The following EYS variants were observed in gnomAD, a reference collection of about 807,000 sequenced individuals.
The protein encoded by EYS is EGF-like photoreceptor maintenance factor.
EYS carries 250 observed loss-of-function variants against 282.1 expected under a neutral mutation model. The ratio of observed to expected loss-of-function variants is 0.89; its 90% CI spans 0.80 to 0.98. The LOEUF is 0.98. EYS is among the 50% of genes least tolerant of loss of function. The probability of loss-of-function intolerance (pLI) is 0.00; values close to 1 mark genes in which losing one functional copy is unlikely to be tolerated. For synonymous variants in EYS, 1,355 were observed against 1,282.9 expected (o/e 1.06, Z -1.20); for missense variants, 4,016 against 3,709.0 (o/e 1.08, Z -2.15).
At chr6:64,730,542 G>T (rs555416882) in intron 22 of EYS, among the ~76,000 whole-genome samples, 1 of 152,062 alleles carries the variant, frequency 6.6e-6, no homozygotes, top group Non-Finnish European at 1.5e-5. Flanking sequence ...GCAGTGGCGC[G>T]ATCTTGGCTC....
At chr6:64,531,174 T>C (rs970205305) in intron 26 of EYS, among the ~76,000 whole-genome samples, 1 of 152,076 alleles carries the variant, frequency 6.6e-6, no homozygotes, top group Admixed American at 6.6e-5. Context: ...TCTTAATAAG[T>C]AAAATTAAAA....
intron 28 of EYS, among the ~76,000 whole-genome samples, chr6:64,423,595 G>A (rs530936561): frequency 6.6e-6 from 1 of 152,270 alleles, no homozygotes; most frequent in Admixed American, 6.5e-5. Flanking sequence ...GGATCACAAG[G>A]TCAAGAGTTC....
rs187363276 is a variant in EYS, at chr6:65,674,897, T to C, written c.-448+32238A>G. 2.5e-3 allele frequency among the ~76,000 whole-genome samples: 379 copies of C among 152,002 alleles called. 3 individuals carry two copies. Among genetic ancestry groups the C allele is most frequent in the African/African-American group, 8.6e-3 (357 of 41,524 alleles). On this transcript the variant is annotated intron_variant, in intron 1 of 42. Transcript: ENST00000503581. ...TAGTTCTGGTGTATAATGAAAGTAT[T>C]AGTATAAAAATACAACTAAAATAAA...
chr6:63,805,325 T>A lies in EYS; in HGVS notation c.7411+865A>T, dbSNP rs1770877283. ...GACAAATGTAAGTTATAAGTTGATTTCCCACCAATTCCAGGGCACTAGAGT... is the reference window on the plus strand; with the variant it reads ...GACAAATGTAAGTTATAAGTTGATTACCCACCAATTCCAGGGCACTAGAGT... On this transcript the variant is annotated intron_variant, in intron 37 of 42. Transcript: ENST00000503581. Among the ~76,000 whole-genome samples the A allele has an allele frequency of 2.0e-5, 3 of 152,204 alleles. No individual in the cohort carries two copies. The South Asian group carries it at 6.2e-4, about 31-fold the overall frequency.
intron 30 of EYS, among the ~76,000 whole-genome samples, chr6:64,239,443 A>G (rs1766720550): frequency 1.3e-5 from 2 of 152,172 alleles, no homozygotes; most frequent in African/African-American, 4.8e-5. Context: ...AAAGATTGCC[A>G]TTCTAACTGG....
intron 12 of EYS, among the ~76,000 whole-genome samples, chr6:65,063,820 G>C (rs957714467): frequency 2.0e-5 from 3 of 151,910 alleles, no homozygotes; most frequent in Non-Finnish European, 4.4e-5. Flanking sequence ...TTACAGTACA[G>C]CTAAACTTTC....
chr6:64,359,230 A>C (rs577187593), intron 29 of EYS, among the ~76,000 whole-genome samples: 2 of 151,766 alleles, frequency 1.3e-5, no homozygotes, highest in Non-Finnish European at 3.0e-5. Flanking sequence ...TATAAGATTT[A>C]AAATGTTCCA....
chr6:65,478,868 T>C (rs1024702661), intron 5 of EYS, among the ~76,000 whole-genome samples: 3 of 152,190 alleles, frequency 2.0e-5, no homozygotes, highest in Non-Finnish European at 4.4e-5. Context: ...AGATGAACTC[T>C]CTCACTGAAA....
At chr6:64,559,549 T>C (rs1373859075) in intron 26 of EYS, among the ~76,000 whole-genome samples, 1 of 152,148 alleles carries the variant, frequency 6.6e-6, no homozygotes, top group East Asian at 1.9e-4. Flanking sequence ...TTGATATATA[T>C]TCATTAAACA....
At chr6:64,180,236 T>C (rs1764750567) in intron 31 of EYS, among the ~76,000 whole-genome samples, 1 of 152,068 alleles carries the variant, frequency 6.6e-6, no homozygotes, top group Non-Finnish European at 1.5e-5. Flanking sequence ...AGACAAGATA[T>C]CCCAGAGTTT....
intron 31 of EYS, among the ~76,000 whole-genome samples, chr6:64,115,360 G>C (rs908014080): frequency 1.5e-4 from 23 of 152,048 alleles, no homozygotes; most frequent in African/African-American, 5.6e-4. Flanking sequence ...TCACTACCCA[G>C]GCGCCACACA....
intron 31 of EYS, among the ~76,000 whole-genome samples, chr6:64,188,383 G>C (rs907957765): frequency 3.9e-5 from 6 of 152,056 alleles, no homozygotes; most frequent in Non-Finnish European, 7.4e-5. Flanking sequence ...CATTGAACTA[G>C]GGTTGCAATA....
intron 26 of EYS, among the ~76,000 whole-genome samples, chr6:64,574,346 G>A (rs1765817078): frequency 6.6e-6 from 1 of 152,112 alleles, no homozygotes. Context: ...GATGGTTGCA[G>A]CAAACCACCA....
intron 40 of EYS, among the ~76,000 whole-genome samples, chr6:63,768,720 G>T (rs1014155830): frequency 6.6e-6 from 1 of 152,008 alleles, no homozygotes; most frequent in African/African-American, 2.4e-5. Flanking sequence ...ACCATTACTG[G>T]CTATATACCC....
intron 31 of EYS, among the ~76,000 whole-genome samples, chr6:64,134,245 T>C (rs923254400): frequency 2.6e-5 from 4 of 152,038 alleles, no homozygotes; most frequent in Non-Finnish European, 5.9e-5. Context: ...GCTATTTTTA[T>C]AATAATATAG....
At chr6:65,240,332 G>T (rs1237963900) in intron 12 of EYS, among the ~76,000 whole-genome samples, 2 of 151,910 alleles carry the variant, frequency 1.3e-5, no homozygotes, top group African/African-American at 4.8e-5. Context: ...TGTTACATGG[G>T]CATATTGCTT....
chr6:65,476,072 A>T (rs991075153), intron 5 of EYS, among the ~76,000 whole-genome samples: 9 of 152,114 alleles, frequency 5.9e-5, no homozygotes, highest in Non-Finnish European at 1.0e-4. Flanking sequence ...ATTAAAAAAA[A>T]ATTTAAAAAA....
At chr6:64,325,018 T>C (rs1405918566) in intron 29 of EYS, among the ~76,000 whole-genome samples, 1 of 152,124 alleles carries the variant, frequency 6.6e-6, no homozygotes, top group Non-Finnish European at 1.5e-5. Flanking sequence ...GGAATTAATA[T>C]CACTGAAATT....
intron 33 of EYS, among the ~76,000 whole-genome samples, chr6:64,057,395 A>T (rs201816011): frequency 0.023 from 2,744 of 120,168 alleles, 69 homozygotes; most frequent in African/African-American, 0.087. Flanking sequence ...TTTTTTTTTT[A>T]AAAATAGAAT....
Sources: gnomAD v4.1 joint callset for allele counts (sites outside exome capture counted in the v4.1 genomes callset) on GRCh38, gnomAD v4.1.1 for gene constraint, MANE v1.5 for transcripts, NCBI Gene and HGNC (gene_info 2026-07-23, HGNC 2026-07-21) for gene names.